Variants in SPOCK3 observed in about 807,000 individuals in gnomAD.
The protein encoded by SPOCK3 is testican-3.
In SPOCK3, 30 loss-of-function variants were observed where a neutral mutation model predicts 56.6. That is an observed-to-expected ratio of 0.53 (90% CI 0.40 to 0.72). The LOEUF is 0.72. Among genes scored for constraint, SPOCK3 ranks in the 30% least tolerant of loss-of-function variants. The probability of loss-of-function intolerance (pLI) is 0.00; values close to 1 mark genes in which losing one functional copy is unlikely to be tolerated. For synonymous variants in SPOCK3, 196 were observed against 183.3 expected, an observed-to-expected ratio of 1.07 and a Z score of -0.56; for missense variants, 527 against 530.0, an observed-to-expected ratio of 0.99 and a Z score of 0.06.
intron 3 of SPOCK3, among the ~76,000 whole-genome samples, chr4:167,055,477 C>T (rs780040526): frequency 3.6e-4 from 55 of 152,046 alleles, no homozygotes; most frequent in African/African-American, 9.2e-4. Context: ...GCACACCGTG[C>T]GCGAGCCAAA....
intron 7 of SPOCK3, among the ~76,000 whole-genome samples, chr4:166,788,355 G>C (rs76504305): frequency 0.036 from 5,526 of 152,140 alleles, 315 homozygotes; most frequent in African/African-American, 0.12. Context: ...AGGTATGTTA[G>C]ATTAAGTTAG....
At chr4:167,130,210 C>T (rs892792290) in intron 2 of SPOCK3, among the ~76,000 whole-genome samples, 1 of 152,138 alleles carries the variant, frequency 6.6e-6, no homozygotes, top group Non-Finnish European at 1.5e-5. Context: ...AAGCAATCCT[C>T]CTGCCTCAGC....
intron 2 of SPOCK3, among the ~76,000 whole-genome samples, chr4:167,167,146 T>C (rs1730040532): frequency 6.6e-6 from 1 of 152,148 alleles, no homozygotes; most frequent in Admixed American, 6.6e-5. Flanking sequence ...CTTTTCTATA[T>C]CTTTCTTAAG....
chr4:166,912,017 AAT>A (rs1229018278), intron 5 of SPOCK3, among the ~76,000 whole-genome samples: 1 of 152,170 alleles, frequency 6.6e-6, no homozygotes, highest in Admixed American at 6.6e-5. Flanking sequence ...GAAATTTATC[AAT>A]GTCTTATTTA....
chr4:166,827,511 C>T (rs879521121), intron 6 of SPOCK3, among the ~76,000 whole-genome samples: 1 of 152,062 alleles, frequency 6.6e-6, no homozygotes, highest in African/African-American at 2.4e-5. Context: ...TCTCTAGTAG[C>T]AAGTTTTATT....
intron 7 of SPOCK3, among the ~76,000 whole-genome samples, chr4:166,790,519 A>G (rs1741231143): frequency 6.6e-6 from 1 of 152,162 alleles, no homozygotes. Context: ...AGCAGTATAC[A>G]TAATCCTGTG....
chr4:166,792,342 G>C, intron 6 of SPOCK3, 53 bp from the exon 7 acceptor site: 1 of 1,593,132 alleles, frequency 6.3e-7, no homozygotes, highest in East Asian at 2.2e-5. Context: ...TATAATGTTA[G>C]TGCTATTTCT....
Position 166,908,526 on chromosome 4 carries a change from G to GCACACA in SPOCK3, c.474+4088_474+4093dup, listed in dbSNP as rs377518404. ...TATATTTGCCTTCCTTCAAAACCAT[G>GCACACA]CACACACACACACACACACACACAC... On this transcript the variant is annotated intron_variant, in intron 5 of 10. Transcript: ENST00000357545. Among the ~76,000 whole-genome samples, 460 of 136,118 alleles carry GCACACA rather than the reference G, an allele frequency of 3.4e-3. 3 individuals carry two copies. The highest frequency in any genetic ancestry group is 8.0e-3 in the Middle Eastern group (2 of 250). The allele number at this position is 136,118 out of a possible 152,430, so 89.3% of individuals were successfully genotyped here.
chr4:166,844,505 T>C (rs1747847742), intron 6 of SPOCK3, among the ~76,000 whole-genome samples: 1 of 152,130 alleles, frequency 6.6e-6, no homozygotes, highest in Admixed American at 6.5e-5. Context: ...TTACCCTTCA[T>C]AGTGGGGTTG....
intron 9 of SPOCK3, among the ~76,000 whole-genome samples, chr4:166,740,348 A>G (rs909693888): frequency 2.0e-5 from 3 of 151,750 alleles, no homozygotes; most frequent in African/African-American, 4.8e-5. Flanking sequence ...ATTTTTTTAT[A>G]CCTTCAAATA....
chr4:167,079,192 G>A (rs1757487643), intron 2 of SPOCK3, among the ~76,000 whole-genome samples: 1 of 151,876 alleles, frequency 6.6e-6, no homozygotes, highest in Non-Finnish European at 1.5e-5. Context: ...AATATCTGAA[G>A]TACATTTTTA....
chr4:167,110,035 T>A (rs1259760550), intron 2 of SPOCK3, among the ~76,000 whole-genome samples: 2 of 152,028 alleles, frequency 1.3e-5, no homozygotes. Flanking sequence ...TCTAGGGTAT[T>A]TGCTTGGGTA....
chr4:166,916,588 G>A (rs1050117615), intron 4 of SPOCK3, among the ~76,000 whole-genome samples: 65 of 152,208 alleles, frequency 4.3e-4, no homozygotes, highest in African/African-American at 1.4e-3. Flanking sequence ...AAACTTCCAT[G>A]TTTCAGGATT....
chr4:166,829,485 A>G (rs909953510), intron 6 of SPOCK3, among the ~76,000 whole-genome samples: 2 of 152,080 alleles, frequency 1.3e-5, no homozygotes, highest in Non-Finnish European at 2.9e-5. Flanking sequence ...TTTTTTAATC[A>G]AGTAGAGCAT....
chr4:166,798,126 T>A (rs1344598893), intron 6 of SPOCK3, among the ~76,000 whole-genome samples: 1 of 152,214 alleles, frequency 6.6e-6, no homozygotes, highest in East Asian at 1.9e-4. Context: ...CAGTATATAA[T>A]ACCTGATCAT....
At chr4:167,166,206 C>T (rs912585423) in intron 2 of SPOCK3, among the ~76,000 whole-genome samples, 2 of 151,968 alleles carry the variant, frequency 1.3e-5, no homozygotes, top group African/African-American at 4.8e-5. Flanking sequence ...AAATTTTACA[C>T]TATTTTAATA....
chr4:166,784,246 T>C (rs546576283), intron 7 of SPOCK3, among the ~76,000 whole-genome samples: 20 of 152,244 alleles, frequency 1.3e-4, no homozygotes, highest in African/African-American at 4.8e-4. Flanking sequence ...AATGCAGTAA[T>C]TTCTCAGGAC....
intron 4 of SPOCK3, among the ~76,000 whole-genome samples, chr4:166,913,583 G>A (rs945926472): frequency 1.3e-5 from 2 of 152,124 alleles, no homozygotes; most frequent in African/African-American, 2.4e-5. Flanking sequence ...GATGAGAATA[G>A]ATATTTTACC....
chr4:167,122,901 T>C lies in SPOCK3; in HGVS notation c.190-60364A>G, dbSNP rs549669480. On this transcript the variant is annotated intron_variant, in intron 2 of 10. Transcript: ENST00000357545. Reference sequence around the variant, plus strand: ...CATCTTTATCTTTTATTCAAAATAATAGTAGTACCAGCCTTAAAATAACGG... The same window carrying C: ...CATCTTTATCTTTTATTCAAAATAACAGTAGTACCAGCCTTAAAATAACGG... Among the ~76,000 whole-genome samples, 10 of 152,092 alleles carry C rather than the reference T, an allele frequency of 6.6e-5. No individual in the cohort carries two copies. The South Asian group carries it at 1.9e-3, about 28-fold the overall frequency.
Sources: gnomAD v4.1 joint callset for allele counts (sites outside exome capture counted in the v4.1 genomes callset) on GRCh38, gnomAD v4.1.1 for gene constraint, MANE v1.5 for transcripts, NCBI Gene and HGNC (gene_info 2026-07-23, HGNC 2026-07-21) for gene names.